The following LRP1B variants were observed in gnomAD, a reference collection of about 807,000 sequenced individuals.
LRP1B encodes low-density lipoprotein receptor-related protein 1B.
A neutral mutation model predicts 556.6 loss-of-function variants in LRP1B; 217 were observed. That is an observed-to-expected ratio of 0.39 (90% CI 0.35 to 0.44). The LOEUF is 0.44. Ranked by LOEUF, LRP1B falls within the 20% of genes least tolerant of loss-of-function variation. The pLI is 1.00. For synonymous variants in LRP1B, 2,047 were observed against 1,865.8 expected (o/e 1.10, Z -2.50); for missense variants, 5,053 against 5,620.8 (o/e 0.90, Z 3.23).
intron 7 of LRP1B, among the ~76,000 whole-genome samples, chr2:141,164,261 T>G (rs1680157809): frequency 6.6e-6 from 1 of 151,972 alleles, no homozygotes; most frequent in South Asian, 2.1e-4. Context: ...TCTTAATTAG[T>G]GTCAGGTATA....
At chr2:141,653,471 C>T (rs921046673) in intron 2 of LRP1B, among the ~76,000 whole-genome samples, 8 of 152,210 alleles carry the variant, frequency 5.3e-5, no homozygotes, top group African/African-American at 1.9e-4. Flanking sequence ...AGGCAGAGTG[C>T]TCCTGGCATC....
intron 2 of LRP1B, among the ~76,000 whole-genome samples, chr2:141,698,677 T>A (rs1460563258): frequency 6.6e-6 from 1 of 151,644 alleles, no homozygotes; most frequent in Non-Finnish European, 1.5e-5. Context: ...CTGTAGCATA[T>A]TCCAAATAGA....
At chr2:140,920,094 C>T (rs187837222) in intron 21 of LRP1B, among the ~76,000 whole-genome samples, 6 of 151,960 alleles carry the variant, frequency 3.9e-5, no homozygotes, top group Non-Finnish European at 5.9e-5. Context: ...CGGTACCTTG[C>T]GATCACTATG....
chr2:141,585,669 T>C (rs1264962687), intron 2 of LRP1B, among the ~76,000 whole-genome samples: 4 of 152,128 alleles, frequency 2.6e-5, no homozygotes, highest in Non-Finnish European at 5.9e-5. Context: ...GAAGTGAAGA[T>C]AAAATAATTT....
intron 83 of LRP1B, among the ~76,000 whole-genome samples, chr2:140,312,706 A>C (rs1249877835): frequency 3.3e-5 from 5 of 151,938 alleles, no homozygotes; most frequent in African/African-American, 1.2e-4. Flanking sequence ...TTATTGATAT[A>C]ATCAATATCA....
At chr2:141,954,863 G>T (rs1701204988) in intron 1 of LRP1B, among the ~76,000 whole-genome samples, 1 of 151,972 alleles carries the variant, frequency 6.6e-6, no homozygotes, top group South Asian at 2.1e-4. Flanking sequence ...CCTTTCTTAT[G>T]ACATGTTTTA....
chr2:141,454,467 G>C (rs896882310), intron 3 of LRP1B, among the ~76,000 whole-genome samples: 3 of 152,008 alleles, frequency 2.0e-5, no homozygotes, highest in African/African-American at 7.2e-5. Flanking sequence ...GCTACTATGG[G>C]CCCACTTACA....
intron 2 of LRP1B, among the ~76,000 whole-genome samples, chr2:141,616,420 C>T (rs114585620): frequency 3.3e-5 from 5 of 152,210 alleles, no homozygotes; most frequent in South Asian, 2.1e-4. Flanking sequence ...AACTTTCATA[C>T]GTGGCTATAC....
At chr2:141,907,997 G>A (rs1699804579) in intron 1 of LRP1B, among the ~76,000 whole-genome samples, 1 of 151,980 alleles carries the variant, frequency 6.6e-6, no homozygotes, top group Non-Finnish European at 1.5e-5. Context: ...CTTAGATGAG[G>A]AAGGAGTAAG....
intron 3 of LRP1B, among the ~76,000 whole-genome samples, chr2:141,303,130 T>C (rs930681041): frequency 2.0e-5 from 3 of 152,230 alleles, no homozygotes; most frequent in African/African-American, 7.2e-5. Flanking sequence ...CAAAAGCAGA[T>C]TTATATATGT....
At chr2:141,410,100 T>A (rs1690795160) in intron 3 of LRP1B, among the ~76,000 whole-genome samples, 1 of 152,016 alleles carries the variant, frequency 6.6e-6, no homozygotes, top group South Asian at 2.1e-4. Flanking sequence ...AACCAACCTA[T>A]CATACTATAG....
intron 31 of LRP1B, among the ~76,000 whole-genome samples, chr2:140,832,014 A>T (rs1691734671): frequency 6.6e-6 from 1 of 152,198 alleles, no homozygotes; most frequent in Admixed American, 6.5e-5. Context: ...AAAGACAAGA[A>T]GTAACAGTAG....
At chr2:142,117,931 A>T (rs1900936) in intron 1 of LRP1B, among the ~76,000 whole-genome samples, 8 of 151,900 alleles carry the variant, frequency 5.3e-5, no homozygotes, top group Admixed American at 1.3e-4. Context: ...ATCCATAAAG[A>T]TCAGTCAAAT....
chr2:141,035,352 C>CCAT (rs1424935727), intron 11 of LRP1B, among the ~76,000 whole-genome samples: 1 of 150,308 alleles, frequency 6.7e-6, no homozygotes, highest in Non-Finnish European at 1.5e-5. Context: ...ACTTGAAGTA[C>CCAT]AATAATAATA....
At chr2:141,119,753 A>C (rs1700999309) in intron 7 of LRP1B, among the ~76,000 whole-genome samples, 2 of 145,636 alleles carry the variant, frequency 1.4e-5, no homozygotes, top group African/African-American at 4.9e-5. Context: ...TGTGTGTGTT[A>C]ATTCAACTCA....
At chr2:141,454,122 G>T (rs995793269) in intron 3 of LRP1B, among the ~76,000 whole-genome samples, 1 of 151,964 alleles carries the variant, frequency 6.6e-6, no homozygotes, top group South Asian at 2.1e-4. Context: ...TGAAAATTTG[G>T]CATTTAATTT....
intron 1 of LRP1B, among the ~76,000 whole-genome samples, chr2:142,051,083 G>T (rs1704437674): frequency 6.6e-6 from 1 of 152,092 alleles, no homozygotes; most frequent in South Asian, 2.1e-4. Flanking sequence ...CTAAGAATAA[G>T]ACCATGAAAG....
In LRP1B at chr2:141,554,619, A is replaced by G. The variant is rs190901737; in HGVS notation, c.206-74086T>C. On this transcript the variant is annotated intron_variant, in intron 2 of 90. Transcript: ENST00000389484. Reference sequence around the variant, plus strand: ...AACACTGTAAATCAAAGAAATCTCAAAATACCTTACTTATGGATTTTACAT... The same window carrying G: ...AACACTGTAAATCAAAGAAATCTCAGAATACCTTACTTATGGATTTTACAT... Among the ~76,000 whole-genome samples the G allele has an allele frequency of 4.2e-3, 634 of 152,032 alleles. 2 individuals carry two copies. The highest frequency in any genetic ancestry group is 0.017 in the Middle Eastern group (5 of 288).
chr2:141,414,218 CA>C (rs1285735901), intron 3 of LRP1B, among the ~76,000 whole-genome samples: 134 of 105,432 alleles, frequency 1.3e-3, no homozygotes, highest in Middle Eastern at 9.8e-3. Flanking sequence ...GCCTGGGCGA[CA>C]AGAGTGAGAC....
Sources: gnomAD v4.1 joint callset for allele counts (sites outside exome capture counted in the v4.1 genomes callset) on GRCh38, gnomAD v4.1.1 for gene constraint, MANE v1.5 for transcripts, NCBI Gene and HGNC (gene_info 2026-07-23, HGNC 2026-07-21) for gene names.